The following TENM2 variants were observed in gnomAD, a reference collection of about 807,000 sequenced individuals.
TENM2 encodes teneurin transmembrane protein 2.
A neutral mutation model predicts 245.2 loss-of-function variants in TENM2; 52 were observed. The ratio of observed to expected loss-of-function variants is 0.21; its 90% confidence interval spans 0.17 to 0.27. TENM2 has a LOEUF of 0.27. Ranked by LOEUF, TENM2 falls within the 10% of genes least tolerant of loss-of-function variation. TENM2 has a pLI of 1.00. For missense variants in TENM2, 3,046 were observed against 3,666.8 expected (o/e 0.83, Z 4.37); for synonymous variants, 1,363 against 1,438.9 (o/e 0.95, Z 1.19).
At chr5:168,104,132 C>A (rs761829046) in intron 9 of TENM2, among the ~76,000 whole-genome samples, 15 of 152,100 alleles carry the variant, frequency 9.9e-5, no homozygotes, top group Non-Finnish European at 1.8e-4. Context: ...AGGTTCTAAG[C>A]GATTCTACTG....
the TENM2 span, among the ~76,000 whole-genome samples, chr5:167,239,418 G>A: frequency 6.6e-6 from 1 of 152,132 alleles, no homozygotes; most frequent in Non-Finnish European, 1.5e-5. Context: ...TTCTTGTCCT[G>A]ACTACCCCAT....
At chr5:167,794,414 A>G (rs1321179676) in intron 2 of TENM2, among the ~76,000 whole-genome samples, 2 of 152,202 alleles carry the variant, frequency 1.3e-5, no homozygotes, top group African/African-American at 4.8e-5. Flanking sequence ...CAATTCCTCT[A>G]CTAGGAAAAT....
At chr5:167,823,882 G>A (rs567300937) in intron 2 of TENM2, among the ~76,000 whole-genome samples, 1 of 152,296 alleles carries the variant, frequency 6.6e-6, no homozygotes, top group South Asian at 2.1e-4. Flanking sequence ...TAGAGAAGCT[G>A]CCCTGGCCAT....
chr5:167,822,673 T>A (rs1276296186), intron 2 of TENM2, among the ~76,000 whole-genome samples: 1 of 41,386 alleles, frequency 2.4e-5, no homozygotes, highest in Non-Finnish European at 4.8e-5. Flanking sequence ...CCTTTACTTT[T>A]TTCCAGGGGT....
the TENM2 span, among the ~76,000 whole-genome samples, chr5:166,982,792 G>GT: frequency 8.6e-6 from 1 of 116,356 alleles, no homozygotes; most frequent in African/African-American, 3.2e-5. Flanking sequence ...TGTTTTTTTT[G>GT]GGGGGGGGAG....
intron 3 of TENM2, chr5:167,952,328 G>A: frequency 3.5e-6 from 2 of 576,774 alleles, no homozygotes; most frequent in Non-Finnish European, 6.2e-6. Context: ...CCTCTGGTCA[G>A]CCCTTATCCA....
chr5:167,631,198 A>C (rs944126402), intron 2 of TENM2, among the ~76,000 whole-genome samples: 1 of 152,202 alleles, frequency 6.6e-6, no homozygotes, highest in Non-Finnish European at 1.5e-5. Flanking sequence ...CTTGGCGATA[A>C]GTAAACACAA....
At chr5:167,946,876 C>T (rs1434197923) in intron 3 of TENM2, among the ~76,000 whole-genome samples, 3 of 152,164 alleles carry the variant, frequency 2.0e-5, no homozygotes, top group African/African-American at 4.8e-5. Context: ...GTACCCGACA[C>T]ACAGGGAGAA....
chr5:168,034,049 G>GTATA (rs1157018201), intron 5 of TENM2, among the ~76,000 whole-genome samples: 1 of 124,074 alleles, frequency 8.1e-6, no homozygotes, highest in African/African-American at 2.8e-5. Flanking sequence ...ATATGTGTGT[G>GTATA]TATATATATA....
the TENM2 span, among the ~76,000 whole-genome samples, chr5:167,174,579 A>G: frequency 2.6e-5 from 4 of 152,122 alleles, no homozygotes; most frequent in African/African-American, 9.6e-5. Flanking sequence ...AAGGTATACA[A>G]TATGTAGTTT....
chr5:167,794,737 A>G (rs1228887004), intron 2 of TENM2, among the ~76,000 whole-genome samples: 1 of 152,232 alleles, frequency 6.6e-6, no homozygotes, highest in Non-Finnish European at 1.5e-5. Context: ...TTGAAAGATA[A>G]TTGGTGCAGG....
intron 2 of TENM2, among the ~76,000 whole-genome samples, chr5:167,779,971 A>G (rs1182900105): frequency 6.6e-6 from 1 of 152,206 alleles, no homozygotes; most frequent in African/African-American, 2.4e-5. Flanking sequence ...GGCCACGATC[A>G]AGTTCCAGTT....
chr5:167,099,490 G>A, the TENM2 span, among the ~76,000 whole-genome samples: 1 of 152,124 alleles, frequency 6.6e-6, no homozygotes, highest in African/African-American at 2.4e-5. Context: ...GAGGTTGGGA[G>A]TTCGAGACCA....
chr5:167,225,337 G>T, the TENM2 span, among the ~76,000 whole-genome samples: 1 of 151,786 alleles, frequency 6.6e-6, no homozygotes, highest in Admixed American at 6.6e-5. Context: ...AGGTATGTTC[G>T]TTTAATGCCT....
chr5:167,625,927 G>A (rs572048313), intron 2 of TENM2, among the ~76,000 whole-genome samples: 1 of 152,262 alleles, frequency 6.6e-6, no homozygotes, highest in South Asian at 2.1e-4. Flanking sequence ...TTGTTTGAAT[G>A]TCCTTATGAC....
chr5:167,774,288 A>T (rs1176490117), intron 2 of TENM2, among the ~76,000 whole-genome samples: 1 of 151,758 alleles, frequency 6.6e-6, no homozygotes, highest in Admixed American at 6.6e-5. Context: ...ATTCAGGTGG[A>T]TGAAATATCC....
chr5:167,275,813 G>T, the TENM2 span, among the ~76,000 whole-genome samples: 1 of 152,016 alleles, frequency 6.6e-6, no homozygotes, highest in Admixed American at 6.6e-5. Context: ...AACAGGGAAA[G>T]TTTTATGTAT....
chr5:167,697,536 C>T (rs1418519526), intron 2 of TENM2, among the ~76,000 whole-genome samples: 1 of 150,374 alleles, frequency 6.7e-6, no homozygotes, highest in Non-Finnish European at 1.5e-5. Context: ...AAAGAGTTAT[C>T]AATTTTTTTT....
At chr5:167,111,279 T>C in the TENM2 span, among the ~76,000 whole-genome samples, 24 of 152,324 alleles carry the variant, frequency 1.6e-4, no homozygotes, top group Non-Finnish European at 2.5e-4. Flanking sequence ...AATTGGACCT[T>C]GAGCAAGGTC....
Sources: gnomAD v4.1 joint callset for allele counts (sites outside exome capture counted in the v4.1 genomes callset) on GRCh38, gnomAD v4.1.1 for gene constraint, MANE v1.5 for transcripts, NCBI Gene and HGNC (gene_info 2026-07-23, HGNC 2026-07-21) for gene names.